The following NOP56 variants were observed in gnomAD, a reference collection of about 807,000 sequenced individuals.
NOP56 encodes NOP56 ribonucleoprotein, also known as nucleolar protein 56.
In NOP56, 31 loss-of-function variants were observed where a neutral mutation model predicts 58.3. That is an observed-to-expected ratio of 0.53 (90% confidence interval 0.40 to 0.72). NOP56 has a LOEUF of 0.72. Among genes scored for constraint, NOP56 ranks in the 30% least tolerant of loss-of-function variants. The probability of loss-of-function intolerance (pLI) is 0.00; values close to 1 mark genes in which losing one functional copy is unlikely to be tolerated. For synonymous variants in NOP56, 313 were observed against 282.8 expected (o/e 1.11, Z -1.07); for missense variants, 669 against 739.9 (o/e 0.90, Z 1.11).
In NOP56 at chr20:2,657,939, A is replaced by C. The variant is rs1230598973; in HGVS notation, c.1430A>C (p.Glu477Ala). 5 of 1,585,956 alleles carry C rather than the reference A, an allele frequency of 3.2e-6. No individual in the cohort carries two copies. The African/African-American group carries it at 5.5e-5, about 17-fold the overall frequency. Residue 477 changes from glutamate (E) to alanine (A), a missense_variant, in exon 12 of 12, where the codon GAA (glutamate) becomes GCA (alanine). Glu to Ala is a moderately radical substitution (Grantham distance 107). Transcript: ENST00000329276. ...TGTCCTTCCCTTTAGGAGATGAGTG[A>C]AAAACCCAAAAAGAAGAAAAAGCAA... ...STPEECEEMS[E>A]KPKKKKKQKP...
intron 11 of NOP56, chr20:2,657,638 G>C: frequency 1.9e-6 from 1 of 516,078 alleles, no homozygotes; most frequent in Non-Finnish European, 3.4e-6. Context: ...TTCTTAAACA[G>C]TGTTTCAGGG....
chr20:2,653,514 A>G, intron 3 of NOP56, 121 bp downstream of exon 3: 1 of 744,214 alleles, frequency 1.3e-6, no homozygotes, highest in Non-Finnish European at 2.4e-6. Flanking sequence ...GTGAGGCAGT[A>G]TTTGAGCCAT....
At chr20:2,657,250 C>T (rs767156463) in intron 11 of NOP56, 32 bp downstream of exon 11, 6 of 1,613,566 alleles carry the variant, frequency 3.7e-6, no homozygotes, top group Non-Finnish European at 8.5e-7. Context: ...GGCAGAGATC[C>T]TAGGTTGTAG....
intron 5 of NOP56, 74 bp from the exon 6 acceptor site, chr20:2,655,251 G>A (rs753793295): frequency 5.7e-5 from 88 of 1,555,260 alleles, no homozygotes; most frequent in Non-Finnish European, 7.4e-5. Context: ...GAGTAGGTGT[G>A]GAGAAGGCAA....
chr20:2,655,203 G>A, intron 5 of NOP56, 122 bp from the exon 6 acceptor site: 3 of 1,295,730 alleles, frequency 2.3e-6, no homozygotes, highest in South Asian at 1.2e-5. Flanking sequence ...ACATAGAATT[G>A]AGGAAGATTT....
At chr20:2,657,813 T>C (rs11697937) in intron 11 of NOP56, 116 bp from the exon 12 acceptor site, 103,621 of 1,189,976 alleles carry the variant, frequency 0.087, 5,488 homozygotes, top group East Asian at 0.23. Flanking sequence ...ACAATTAAAC[T>C]ATCCCAGAAA....
chr20:2,656,679 C>T lies in NOP56; in HGVS notation c.1160-95C>T, dbSNP rs763843853. ...GCAGTTCACCTAGTGAGTGTTGAGA[C>T]TCTGGGTCTGAGTGAAGCTGAGGGT... On this transcript the variant is annotated intron_variant, in intron 9 of 11. Coordinates refer to ENST00000329276, the MANE Select transcript of NOP56 (RefSeq NM_006392.4). The T allele has an allele frequency of 1.7e-5, 28 of 1,610,382 alleles. 1 individual carries two copies. Among genetic ancestry groups the T allele is most frequent in the Admixed American group, 1.5e-4 (9 of 60,002 alleles).
chr20:2,655,856 G>C (rs1600158553), intron 7 of NOP56, 78 bp from the exon 8 acceptor site: 1 of 1,609,254 alleles, frequency 6.2e-7, no homozygotes, highest in East Asian at 2.2e-5. Context: ...TTGATGGGGA[G>C]GTGGGGAGCA....
rs2086859249 is a variant in NOP56, at chr20:2,658,372, C to T, written c.*78C>T. The T allele has an allele frequency of 1.9e-6, 3 of 1,608,398 alleles. No individual in the cohort carries two copies. The highest frequency in any genetic ancestry group is 2.5e-6 in the Non-Finnish European group (3 of 1,177,490). On this transcript the variant is annotated 3_prime_UTR_variant, in exon 12 of 12. Transcript: ENST00000329276. ...ATTTCCCACCCTGTGCCGTGTTCCC[C>T]AATAAAAACAAATTCACAAGAGTTG...
chr20:2,652,724 C>T, intron 1 of NOP56, 61 bp downstream of exon 1: 3 of 1,503,110 alleles, frequency 2.0e-6, no homozygotes, highest in East Asian at 2.7e-5. Flanking sequence ...TGCGTTCGGG[C>T]CGCAGACAGG....
At chr20:2,656,256 T>C in intron 8 of NOP56, 145 bp from the exon 9 acceptor site, 1 of 1,605,754 alleles carries the variant, frequency 6.2e-7, no homozygotes, top group Non-Finnish European at 8.5e-7. Context: ...CTGGGAGCTA[T>C]GGGTTGGCAT....
intron 11 of NOP56, chr20:2,657,691 TGGTG>T: frequency 1.9e-6 from 1 of 532,954 alleles, no homozygotes; most frequent in East Asian, 3.0e-5. Context: ...GCGACCAGCA[TGGTG>T]GGTGTTTTTT....
chr20:2,653,333 G>A lies in NOP56; in HGVS notation c.148G>A (p.Ala50Thr), dbSNP rs2086775890. The A allele has an allele frequency of 6.2e-7, 1 of 1,614,196 alleles. No homozygotes were observed. The highest frequency in any genetic ancestry group is 8.5e-7 in the Non-Finnish European group (1 of 1,180,038). The change falls in exon 3 of 12, where the codon GCC becomes ACC. Residue 50 changes from alanine (A) to threonine (T), a missense_variant. Physicochemically the swap from Ala to Thr is moderately conservative, Grantham distance 58. This residue lies in a region of NOP56 where 121 missense variants were observed against 113.1 expected (regional missense o/e 1.07). Coordinates refer to ENST00000329276, the MANE Select transcript of NOP56 (RefSeq NM_006392.4). ...ATTCCACAGCATCGTTCGTCTGGTG[G>A]CCTTTTGTCCCTTTGCCTCATCCCA... ...GKFHSIVRLVAFCPFASSQVA... is the reference protein window; with the variant it reads ...GKFHSIVRLVTFCPFASSQVA...
chr20:2,653,278 G>C lies in NOP56; in HGVS notation c.94-1G>C, dbSNP rs745386271. Reference sequence around the variant, plus strand: ...ACCACTTAGCCTCTTTCTCCCCCCAGGTGGAGGAGTCTGTGCTCAACCTGG... The same window carrying C: ...ACCACTTAGCCTCTTTCTCCCCCCACGTGGAGGAGTCTGTGCTCAACCTGG... On this transcript the variant is annotated splice_acceptor_variant, in intron 2 of 11. Coordinates refer to ENST00000329276, the MANE Select transcript of NOP56 (RefSeq NM_006392.4). LOFTEE classifies it high-confidence loss of function. The C allele has an allele frequency of 6.2e-7, 1 of 1,612,554 alleles. No individual in the cohort carries two copies. The highest frequency in any genetic ancestry group is 2.2e-5 in the East Asian group (1 of 44,874).
chr20:2,656,512 CAA>C lies in NOP56; in HGVS notation c.1124_1125del (p.Lys375MetfsTer12), dbSNP rs2086819326. On this transcript the variant is annotated frameshift_variant, in exon 9 of 12. Transcript: ENST00000329276. LOFTEE classifies it high-confidence loss of function. Reference sequence around the variant, plus strand: ...GCCGCATCTCCCGATACCTGGCAAACAAATGCAGTATTGCCTCACGAATCGAT... The same window carrying C: ...GCCGCATCTCCCGATACCTGGCAAACATGCAGTATTGCCTCACGAATCGAT... ...KGRISRYLAN[K>X]CSIASRIDCF... is the part of the protein sequence containing the mutation. The C allele has an allele frequency of 6.2e-7, 1 of 1,611,376 alleles. No homozygotes were observed. Among genetic ancestry groups the C allele is most frequent in the Non-Finnish European group, 8.5e-7 (1 of 1,178,588 alleles).
rs745494496 is a variant in NOP56 at position 2,652,981 on chromosome 20, G to A, written c.93+50G>A. On this transcript the variant is annotated intron_variant, in intron 2 of 11. Coordinates refer to ENST00000329276, the MANE Select transcript of NOP56 (RefSeq NM_006392.4). ...TGGCGGCCCCGCAGACCCTCATCGC[G>A]CGGGTCCCAGCATGCACAGCGCGCT... 7.4e-6 allele frequency: 11 copies of A among 1,487,552 alleles called. No individual in the cohort carries two copies. The East Asian group carries it at 2.2e-4, about 30-fold the overall frequency. The allele number at this position is 1,487,552 out of a possible 1,614,324, so 92.1% of individuals were successfully genotyped here. A position where few individuals can be genotyped will look rare whatever the true frequency, so the allele number is the denominator to read the frequency against.
intron 4 of NOP56, 58 bp from the exon 5 acceptor site, chr20:2,654,691 G>A (rs908163479): frequency 5.0e-5 from 81 of 1,607,160 alleles, no homozygotes; most frequent in Non-Finnish European, 5.9e-5. Context: ...GCTGGTGCCC[G>A]TGGGTGCGGG....
At chr20:2,656,920 G>A (rs769932857) in intron 10 of NOP56, 25 bp downstream of exon 10, 10 of 1,613,976 alleles carry the variant, frequency 6.2e-6, no homozygotes, top group South Asian at 1.1e-5. Context: ...GCTGGGTGTG[G>A]AGTGGCATAG....
chr20:2,657,564 C>T (rs45545333), intron 11 of NOP56: 84,301 of 526,918 alleles, frequency 0.16, 7,728 homozygotes, highest in Admixed American at 0.22. Flanking sequence ...GGGATGGGGG[C>T]AGGGAGGTCC....
Sources: allele counts gnomAD v4.1 joint callset, GRCh38; gene constraint gnomAD v4.1.1; regional missense constraint gnomAD v4.1.1; transcripts MANE v1.5; gene names NCBI Gene and HGNC (gene_info 2026-07-23, HGNC 2026-07-21).